Variants in FTO observed in about 807,000 individuals in gnomAD.
The protein encoded by FTO is FTO alpha-ketoglutarate dependent dioxygenase, also known as alpha-ketoglutarate-dependent dioxygenase FTO.
Under a neutral mutation model 63.9 loss-of-function variants are expected in FTO, and 47 were observed. The observed-to-expected ratio is 0.74, with a 90% CI of 0.58 to 0.94. FTO has a LOEUF of 0.94. Among genes scored for constraint, FTO ranks in the 40% least tolerant of loss-of-function variants. The probability of loss-of-function intolerance (pLI) is 0.00; values close to 1 mark genes in which losing one functional copy is unlikely to be tolerated. For synonymous variants in FTO, 207 were observed against 224.4 expected, an observed-to-expected ratio of 0.92 and a Z score of 0.69; for missense variants, 562 against 618.1, an observed-to-expected ratio of 0.91 and a Z score of 0.96.
chr16:54,067,577 T>G (rs2144427711), intron 8 of FTO, among the ~76,000 whole-genome samples: 1 of 152,320 alleles, frequency 6.6e-6, no homozygotes, highest in South Asian at 2.1e-4. Flanking sequence ...TTGGTTATAT[T>G]AACAGTCCGT....
chr16:54,077,815 G>A (rs767975788), intron 8 of FTO, among the ~76,000 whole-genome samples: 6 of 152,116 alleles, frequency 3.9e-5, no homozygotes, highest in South Asian at 2.1e-4. Context: ...GCAGGCAGTC[G>A]GATCAAGAAT....
intron 8 of FTO, among the ~76,000 whole-genome samples, chr16:54,083,897 GGCAGGCC>G (rs1315122650): frequency 1.3e-5 from 2 of 152,186 alleles, no homozygotes; most frequent in Non-Finnish European, 2.9e-5. Context: ...TTTGGAGCCT[GGCAGGCC>G]TGGATTTGAA....
intron 6 of FTO, among the ~76,000 whole-genome samples, chr16:53,882,155 A>T (rs754785535): frequency 6.6e-6 from 1 of 152,220 alleles, no homozygotes; most frequent in Non-Finnish European, 1.5e-5. Flanking sequence ...TTTCTTTTTG[A>T]TATAATAAGA....
rs537904801 is a variant in FTO at position 54,097,914 on chromosome 16, A to G, written c.1365-13848A>G. 9.9e-5 allele frequency among the ~76,000 whole-genome samples: 15 copies of G among 151,368 alleles called. No individual in the cohort carries two copies. In the South Asian group the frequency reaches 2.7e-3, roughly 28 times the overall value. On this transcript the variant is annotated intron_variant, in intron 8 of 8. Coordinates refer to ENST00000471389, the MANE Select transcript of FTO (RefSeq NM_001080432.3). ...GGATTAAGGAGTGACCTGAAGGGGT[A>G]AGGGGAGGAAGCCATGTGGATATTT...
chr16:53,708,483 C>T (rs921476742), intron 1 of FTO, among the ~76,000 whole-genome samples: 2 of 152,162 alleles, frequency 1.3e-5, no homozygotes, highest in African/African-American at 4.8e-5. Flanking sequence ...CTACTGTGAA[C>T]ATTTGCACCC....
chr16:53,796,305 A>G (rs1018267543), intron 1 of FTO, among the ~76,000 whole-genome samples: 3 of 152,132 alleles, frequency 2.0e-5, no homozygotes, highest in South Asian at 2.1e-4. Context: ...TGGCCTCCCA[A>G]AGTGCCGGGA....
chr16:54,033,008 A>G (rs1394166343), intron 8 of FTO, among the ~76,000 whole-genome samples: 1 of 152,314 alleles, frequency 6.6e-6, no homozygotes, highest in South Asian at 2.1e-4. Flanking sequence ...CCAGAAGCCA[A>G]GCATATTCCA....
intron 3 of FTO, among the ~76,000 whole-genome samples, chr16:53,842,887 C>G (rs1043049748): frequency 1.3e-5 from 2 of 152,172 alleles, no homozygotes; most frequent in African/African-American, 2.4e-5. Context: ...GTTGTCCTGG[C>G]TGGCCTCGAA....
chr16:53,992,686 A>T (rs1311376708), intron 8 of FTO: 1 of 152,114 alleles, frequency 6.6e-6, no homozygotes, highest in Non-Finnish European at 1.5e-5. Flanking sequence ...ACCCATTATT[A>T]GAGTATTGAG....
intron 7 of FTO, among the ~76,000 whole-genome samples, chr16:53,903,003 G>A (rs918558799): frequency 2.6e-5 from 4 of 152,128 alleles, no homozygotes; most frequent in African/African-American, 4.8e-5. Context: ...CCAGCTACTC[G>A]GGAGGGTGGG....
chr16:53,786,342 C>G (rs913606992), intron 1 of FTO, among the ~76,000 whole-genome samples: 2 of 152,120 alleles, frequency 1.3e-5, no homozygotes, highest in African/African-American at 4.8e-5. Flanking sequence ...CATGGTGGTA[C>G]GCTGCTATGG....
intron 8 of FTO, among the ~76,000 whole-genome samples, chr16:54,073,255 C>G (rs767349013): frequency 6.6e-6 from 1 of 152,132 alleles, no homozygotes; most frequent in Non-Finnish European, 1.5e-5. Flanking sequence ...TGGAATCCAA[C>G]AGGAAAGAGA....
At chr16:54,054,521 G>A (rs2085385476) in intron 8 of FTO, 1 of 152,182 alleles carries the variant, frequency 6.6e-6, no homozygotes, top group South Asian at 2.1e-4. Flanking sequence ...TGCCATGATG[G>A]TAATACCTTG....
intron 8 of FTO, chr16:53,965,667 G>A (rs909271832): frequency 2.0e-5 from 3 of 152,042 alleles, no homozygotes; most frequent in African/African-American, 7.2e-5. Flanking sequence ...ATCTCATGCT[G>A]TACCTGTGAA....
intron 8 of FTO, among the ~76,000 whole-genome samples, chr16:53,959,372 T>G (rs1372922423): frequency 6.6e-6 from 1 of 152,196 alleles, no homozygotes; most frequent in African/African-American, 2.4e-5. Context: ...TCAGGTGATG[T>G]GGATGCCCAC....
intron 1 of FTO, among the ~76,000 whole-genome samples, chr16:53,752,267 G>T (rs192482012): frequency 3.9e-5 from 6 of 152,262 alleles, no homozygotes; most frequent in Admixed American, 2.6e-4. Flanking sequence ...TTCAACAGTG[G>T]CTACCTCTTT....
rs558372883 is a variant in FTO, at chr16:54,103,672, G to A, written c.1365-8090G>A. Among the ~76,000 whole-genome samples the A allele has an allele frequency of 2.3e-4, 35 of 152,322 alleles. No homozygotes were observed. The South Asian group carries it at 6.6e-3, about 29-fold the overall frequency. On this transcript the variant is annotated intron_variant, in intron 8 of 8. Transcript: ENST00000471389. ...AAAGCCACCTTTGTCCGAGTAGACC[G>A]TTATGATAGCTGTAAGTATGACTGG...
At chr16:53,811,301 G>A (rs2078513675) in intron 2 of FTO, among the ~76,000 whole-genome samples, 1 of 152,136 alleles carries the variant, frequency 6.6e-6, no homozygotes, top group South Asian at 2.1e-4. Context: ...TTGAAGCAGA[G>A]GGTTGCCGTG....
intron 1 of FTO, among the ~76,000 whole-genome samples, chr16:53,757,817 C>T (rs2151590602): frequency 6.6e-6 from 1 of 152,268 alleles, no homozygotes; most frequent in East Asian, 1.9e-4. Context: ...CAGCTGAAAA[C>T]TGGCATATGA....
Sources: allele counts gnomAD v4.1 joint callset (sites outside exome capture counted in the v4.1 genomes callset), GRCh38; gene constraint gnomAD v4.1.1; transcripts MANE v1.5; gene names NCBI Gene and HGNC (gene_info 2026-07-23, HGNC 2026-07-21).